TBC1D8: variants seen among roughly 807,000 people sequenced by gnomAD.
The protein encoded by TBC1D8 is BUB2-like protein 1.
TBC1D8 carries 65 observed loss-of-function variants against 118.8 expected under a neutral mutation model. The ratio of observed to expected loss-of-function variants is 0.55; its 90% CI spans 0.45 to 0.67. The LOEUF is 0.67. Ranked by LOEUF, TBC1D8 falls within the 30% of genes least tolerant of loss-of-function variation. TBC1D8 has a pLI of 0.00. For synonymous variants in TBC1D8, 566 were observed against 595.8 expected, an observed-to-expected ratio of 0.95 and a Z score of 0.73; for missense variants, 1,376 against 1,471.2, an observed-to-expected ratio of 0.94 and a Z score of 1.06.
At chr2:101,126,396 A>G (rs2104245873) in intron 1 of TBC1D8, among the ~76,000 whole-genome samples, 1 of 152,346 alleles carries the variant, frequency 6.6e-6, no homozygotes, top group African/African-American at 2.4e-5. Context: ...CTTGAAGGTA[A>G]GAATTCTCTA....
intron 1 of TBC1D8, among the ~76,000 whole-genome samples, chr2:101,135,843 G>A (rs868275279): frequency 1.3e-5 from 2 of 152,254 alleles, no homozygotes; most frequent in Non-Finnish European, 2.9e-5. Context: ...ATTTTGTTTG[G>A]ATGTTTGTCT....
chr2:101,029,618 C>T lies in TBC1D8; in HGVS notation c.2095G>A (p.Val699Met). Residue 699 changes from valine (V) to methionine (M), a missense_variant, in exon 12 of 20, where the codon GTG (valine) becomes ATG (methionine). By Grantham distance (21) the Val-to-Met change is conservative (BLOSUM62 1). Coordinates refer to ENST00000409318, the MANE Select transcript of TBC1D8 (RefSeq NM_001330348.2). ...SIMPLESAVN[V>M]VDCFFYDGIK... ...CCATCATAGAAGAAGCAGTCTACCACATTCACCGCACTCTCTAGAGGCATG... is the reference window on the plus strand; with the variant it reads ...CCATCATAGAAGAAGCAGTCTACCATATTCACCGCACTCTCTAGAGGCATG... The T allele has an allele frequency of 6.2e-7, 1 of 1,614,010 alleles. No homozygotes were observed.
chr2:101,016,136 A>G (rs1440696898), intron 17 of TBC1D8, among the ~76,000 whole-genome samples: 4 of 152,244 alleles, frequency 2.6e-5, no homozygotes, highest in Admixed American at 6.5e-5. Context: ...GTGAACACGC[A>G]ATCTTCAAAA....
chr2:101,104,311 G>A (rs1354490264), intron 1 of TBC1D8, among the ~76,000 whole-genome samples: 1 of 152,112 alleles, frequency 6.6e-6, no homozygotes, highest in Non-Finnish European at 1.5e-5. Flanking sequence ...CAGATTCAAC[G>A]CAATCCCAAT....
intron 4 of TBC1D8, among the ~76,000 whole-genome samples, chr2:101,051,227 A>G (rs1046996624): frequency 6.6e-6 from 1 of 152,190 alleles, no homozygotes; most frequent in Non-Finnish European, 1.5e-5. Context: ...ATACGCACGT[A>G]TGTGTCTTTA....
intron 1 of TBC1D8, among the ~76,000 whole-genome samples, chr2:101,095,414 C>T (rs1676348409): frequency 7.0e-6 from 1 of 143,616 alleles, no homozygotes; most frequent in Non-Finnish European, 1.5e-5. Flanking sequence ...CCCCCCACCC[C>T]ACAACAGTCC....
intron 11 of TBC1D8, among the ~76,000 whole-genome samples, chr2:101,031,564 A>G (rs1326067336): frequency 6.6e-6 from 1 of 152,210 alleles, no homozygotes. Context: ...GAGCATCACC[A>G]GCCCAGAACC....
intron 1 of TBC1D8, among the ~76,000 whole-genome samples, chr2:101,150,043 G>C (rs1325203271): frequency 6.6e-6 from 1 of 152,178 alleles, no homozygotes; most frequent in African/African-American, 2.4e-5. Flanking sequence ...GTGTAAGTCT[G>C]CACTCCTCTA....
chr2:101,034,532 G>A (rs1680882356), intron 9 of TBC1D8, among the ~76,000 whole-genome samples: 1 of 152,202 alleles, frequency 6.6e-6, no homozygotes, highest in African/African-American at 2.4e-5. Flanking sequence ...GCCACCCACA[G>A]CCAGAGCTAC....
chr2:101,064,644 A>T (rs772792546), intron 2 of TBC1D8, among the ~76,000 whole-genome samples: 10 of 152,232 alleles, frequency 6.6e-5, no homozygotes, highest in Non-Finnish European at 1.3e-4. Flanking sequence ...AGAAGTCAAA[A>T]GTCAGAGTTA....
chr2:101,016,094 GC>G (rs1481533506), intron 17 of TBC1D8, among the ~76,000 whole-genome samples: 1 of 152,086 alleles, frequency 6.6e-6, no homozygotes, highest in Non-Finnish European at 1.5e-5. Flanking sequence ...AAACTAAAGA[GC>G]TTCTGCACAG....
At chr2:101,125,755 T>C (rs1314393548) in intron 1 of TBC1D8, among the ~76,000 whole-genome samples, 2 of 152,240 alleles carry the variant, frequency 1.3e-5, no homozygotes, top group Non-Finnish European at 2.9e-5. Flanking sequence ...TATCTAAATG[T>C]ATTGTTTAAA....
In TBC1D8 at chr2:101,122,383, C is replaced by CAAAA. The variant is rs70943064; in HGVS notation, c.127+28740_127+28743dup. On this transcript the variant is annotated intron_variant, in intron 1 of 19. Coordinates refer to ENST00000409318, the MANE Select transcript of TBC1D8 (RefSeq NM_001330348.2). ...ACCGCGCCCGGCCAAGACTCCATTT[C>CAAAA]AAAAAAAAAAAAAAAAAAAAAAAAA... Among the ~76,000 whole-genome samples the CAAAA allele has an allele frequency of 6.0e-4, 43 of 71,932 alleles. 7 individuals carry two copies. The highest frequency in any genetic ancestry group is 1.7e-3 in the African/African-American group (38 of 22,568). 47.2% of individuals were successfully genotyped at this position (71,932 alleles called of 152,430 possible). A position where few individuals can be genotyped will look rare whatever the true frequency, so the allele number is the denominator to read the frequency against.
chr2:101,059,490 A>C lies in TBC1D8; in HGVS notation c.333T>G (p.Asn111Lys). 6.2e-7 allele frequency: 1 copy of C among 1,613,848 alleles called. No individual in the cohort carries two copies. Among genetic ancestry groups the C allele is most frequent in the Non-Finnish European group, 8.5e-7 (1 of 1,179,842 alleles). The change falls in exon 3 of 20, where the codon AAT becomes AAG. Residue 111 changes from asparagine to lysine, a missense_variant. Asn to Lys is a moderately conservative substitution (Grantham distance 94). Transcript: ENST00000409318. ...INQHWDWLEQ[N>K]LLHTLSVFDN... is the part of the protein sequence containing the mutation. ...CAAAGACAGACAAGGTGTGGAGGAG[A>C]TTTTGTTCCAGCCAGTCCCAGTGCT...
chr2:101,048,870 C>G (rs1681873532), intron 5 of TBC1D8, among the ~76,000 whole-genome samples: 1 of 152,126 alleles, frequency 6.6e-6, no homozygotes, highest in African/African-American at 2.4e-5. Context: ...CAGTATTTGT[C>G]TTTTCACAAC....
At chr2:101,043,604 C>T (rs2105403706) in intron 5 of TBC1D8, among the ~76,000 whole-genome samples, 1 of 152,224 alleles carries the variant, frequency 6.6e-6, no homozygotes, top group South Asian at 2.1e-4. Flanking sequence ...GGTGGGAGTA[C>T]TTGTATTTAC....
chr2:101,036,217 C>T (rs1389764464), intron 8 of TBC1D8, 49 bp from the exon 9 acceptor site: 1 of 1,588,878 alleles, frequency 6.3e-7, no homozygotes, highest in South Asian at 1.1e-5. Flanking sequence ...TCCTCACCAC[C>T]CCCCACCCAC....
chr2:101,066,097 T>C (rs1682997624), intron 2 of TBC1D8, among the ~76,000 whole-genome samples: 1 of 152,032 alleles, frequency 6.6e-6, no homozygotes, highest in Admixed American at 6.6e-5. Flanking sequence ...CTGGCCAACA[T>C]GGTGAAACCC....
chr2:101,109,737 C>T (rs111236857), intron 1 of TBC1D8: 5 of 960,908 alleles, frequency 5.2e-6, no homozygotes, highest in East Asian at 1.1e-4. Context: ...CGGGCCTCCC[C>T]AGCCCTGGCT....
Sources: gnomAD v4.1 joint callset for allele counts (sites outside exome capture counted in the v4.1 genomes callset) on GRCh38, gnomAD v4.1.1 for gene constraint, MANE v1.5 for transcripts, NCBI Gene and HGNC (gene_info 2026-07-23, HGNC 2026-07-21) for gene names.